The following XPR1 variants were observed in gnomAD, a reference collection of about 807,000 sequenced individuals.
The protein encoded by XPR1 is xenotropic and polytropic retrovirus receptor 1.
In XPR1, 28 loss-of-function variants were observed where a neutral mutation model predicts 87.5. That is an observed-to-expected ratio of 0.32 (90% CI 0.24 to 0.44). The LOEUF (loss-of-function observed/expected upper bound fraction) is 0.44, where lower values mean the gene tolerates loss of function less well. Ranked by LOEUF, XPR1 falls within the 20% of genes least tolerant of loss-of-function variation. XPR1 has a pLI of 1.00. For missense variants in XPR1, 559 were observed against 862.3 expected, an observed-to-expected ratio of 0.65 and a Z score of 4.41; for synonymous variants, 300 against 306.1, an observed-to-expected ratio of 0.98 and a Z score of 0.21.
At position 180,824,765 on chromosome 1, in the gene XPR1, T is replaced by C. The variant is rs1650767042; in HGVS notation, c.776T>C (p.Leu259Pro). The C allele has an allele frequency of 6.2e-7, 1 of 1,609,496 alleles. No individual in the cohort carries two copies. Among genetic ancestry groups the C allele is most frequent in the African/African-American group, 1.3e-5 (1 of 74,614 alleles). Residue 259 changes from leucine (L) to proline (P), a missense_variant, in exon 8 of 15, where the codon CTT (leucine) becomes CCT (proline). Coordinates refer to ENST00000367590, the MANE Select transcript of XPR1 (RefSeq NM_004736.4). ...ITLVLAAVFK[L>P]ETDRSIWPLI... Reference sequence around the variant, plus strand: ...AATATTCTTTCAGCTGTATTTAAACTTGAAACAGATAGAAGTATATGGCCC... The same window carrying C: ...AATATTCTTTCAGCTGTATTTAAACCTGAAACAGATAGAAGTATATGGCCC...
chr1:180,768,700 G>C (rs1048686837), intron 2 of XPR1, among the ~76,000 whole-genome samples: 1 of 152,180 alleles, frequency 6.6e-6, no homozygotes, highest in Non-Finnish European at 1.5e-5. Flanking sequence ...GCATTTAGCT[G>C]TAAATTGTAT....
chr1:180,807,598 C>A (rs2944260), intron 6 of XPR1, among the ~76,000 whole-genome samples: 151,671 of 152,368 alleles, frequency 1, 75,499 homozygotes, highest in Middle Eastern at 1. Context: ...ATATTGCACA[C>A]ACCCAGTATT....
At chr1:180,836,889 T>A (rs1304666517) in intron 11 of XPR1, among the ~76,000 whole-genome samples, 173 bp downstream of exon 11, 1 of 152,244 alleles carries the variant, frequency 6.6e-6, no homozygotes, top group Non-Finnish European at 1.5e-5. Context: ...CTCATTCCAG[T>A]ATCTACTGAT....
intron 11 of XPR1, 43 bp from the exon 12 acceptor site, chr1:180,863,665 A>C: frequency 6.7e-7 from 1 of 1,500,654 alleles, no homozygotes; most frequent in Middle Eastern, 1.8e-4. Context: ...TTTTACTTAA[A>C]TGTAGTAATT....
At chr1:180,820,396 C>T (rs1196525074) in intron 7 of XPR1, among the ~76,000 whole-genome samples, 1 of 152,142 alleles carries the variant, frequency 6.6e-6, no homozygotes, top group African/African-American at 2.4e-5. Context: ...TTGTGTTTGG[C>T]TTCTTTTAGT....
chr1:180,860,775 C>T (rs541729669), intron 11 of XPR1, among the ~76,000 whole-genome samples: 2 of 149,320 alleles, frequency 1.3e-5, no homozygotes, highest in East Asian at 2.0e-4. Context: ...CATGACTCTG[C>T]GTTTGTCAAA....
chr1:180,883,241 C>T (rs1652900643), intron 14 of XPR1, among the ~76,000 whole-genome samples: 1 of 148,480 alleles, frequency 6.7e-6, no homozygotes, highest in Non-Finnish European at 1.5e-5. Context: ...GCTGGGATTA[C>T]AGGAACCAGC....
intron 2 of XPR1, among the ~76,000 whole-genome samples, chr1:180,787,277 GT>G (rs1373873832): frequency 7.5e-6 from 1 of 133,832 alleles, no homozygotes; most frequent in Middle Eastern, 3.6e-3. Context: ...TTACAAAGAG[GT>G]TTTTTTTGTT....
intron 1 of XPR1, among the ~76,000 whole-genome samples, chr1:180,646,396 T>G (rs1655120850): frequency 2.1e-5 from 3 of 140,804 alleles, no homozygotes; most frequent in African/African-American, 8.9e-5. Context: ...CATGTTCATG[T>G]TTTTTTTTTT....
At chr1:180,744,654 C>CTTTTTTTTTTTTTTTTTTTT (rs71121048) in intron 2 of XPR1, among the ~76,000 whole-genome samples, 5 of 102,396 alleles carry the variant, frequency 4.9e-5, no homozygotes, top group Admixed American at 1.2e-4. Flanking sequence ...CAATTTCTTT[C>CTTTTTTTTTTTTTTTTTTTT]TTTTTTTTTT....
At chr1:180,784,077 A>G (rs1485070331) in intron 2 of XPR1, among the ~76,000 whole-genome samples, 2 of 151,970 alleles carry the variant, frequency 1.3e-5, no homozygotes, top group Non-Finnish European at 2.9e-5. Context: ...ATGGTGAATG[A>G]ATATCCTTGG....
intron 13 of XPR1, among the ~76,000 whole-genome samples, chr1:180,879,507 C>T (rs6662788): frequency 0.035 from 5,282 of 152,216 alleles, 318 homozygotes; most frequent in African/African-American, 0.12. Context: ...TTCCAACTTG[C>T]CTTTTTATAC....
chr1:180,678,017 G>A (rs1656423852), intron 1 of XPR1, among the ~76,000 whole-genome samples: 1 of 152,196 alleles, frequency 6.6e-6, no homozygotes, highest in South Asian at 2.1e-4. Flanking sequence ...TAATTTGCTA[G>A]AACTACCCAT....
chr1:180,877,140 TTTAA>T (rs1272643343), intron 13 of XPR1, among the ~76,000 whole-genome samples: 3 of 152,212 alleles, frequency 2.0e-5, no homozygotes, highest in Non-Finnish European at 4.4e-5. Flanking sequence ...TAGGAATAGG[TTTAA>T]TTAAAGCTGT....
intron 11 of XPR1, among the ~76,000 whole-genome samples, chr1:180,839,541 T>C (rs910751195): frequency 5.3e-5 from 8 of 152,224 alleles, no homozygotes; most frequent in African/African-American, 1.7e-4. Flanking sequence ...ATCTGAGCTA[T>C]GGAAAATATC....
chr1:180,709,211 C>T (rs549656608), intron 2 of XPR1, among the ~76,000 whole-genome samples: 49 of 152,268 alleles, frequency 3.2e-4, no homozygotes, highest in Admixed American at 9.8e-4. Flanking sequence ...CCGCCGTGCC[C>T]GGCCATAAGC....
intron 2 of XPR1, among the ~76,000 whole-genome samples, chr1:180,736,137 C>G (rs557544916): frequency 6.6e-6 from 1 of 152,038 alleles, no homozygotes; most frequent in Non-Finnish European, 1.5e-5. Context: ...TGGGGGTGGT[C>G]GGAAAACACT....
chr1:180,856,576 T>C (rs556930339), intron 11 of XPR1, among the ~76,000 whole-genome samples: 7 of 152,354 alleles, frequency 4.6e-5, no homozygotes, highest in African/African-American at 1.4e-4. Flanking sequence ...TCATTTTTTT[T>C]CCTAAGCATG....
chr1:180,817,346 A>G (rs574788544), intron 7 of XPR1, among the ~76,000 whole-genome samples: 1 of 152,318 alleles, frequency 6.6e-6, no homozygotes, highest in East Asian at 1.9e-4. Context: ...TACAATGTGT[A>G]TAAAGTCCGC....
Sources: allele counts gnomAD v4.1 joint callset (sites outside exome capture counted in the v4.1 genomes callset), GRCh38; gene constraint gnomAD v4.1.1; transcripts MANE v1.5; gene names NCBI Gene and HGNC (gene_info 2026-07-23, HGNC 2026-07-21).